LEMD1: variants seen among roughly 807,000 people sequenced by gnomAD.
LEMD1 encodes LEM domain containing 1, also known as LEM domain-containing protein 1.
In LEMD1, 18 loss-of-function variants were observed where a neutral mutation model predicts 17.4. That is an observed-to-expected ratio of 1.04 (90% confidence interval 0.72 to 1.54). The LOEUF is 1.54. Among genes scored for constraint, LEMD1 ranks in the 40% most tolerant of loss-of-function variants. The pLI, the probability that LEMD1 is intolerant of heterozygous loss-of-function variation, is 0.00. For missense variants in LEMD1, 195 were observed against 210.4 expected (o/e 0.93, Z 0.45); for synonymous variants, 88 against 77.8 (o/e 1.13, Z -0.69).
intron 4 of LEMD1, among the ~76,000 whole-genome samples, 181 bp downstream of exon 4, chr1:205,416,051 G>C (rs1293881050): frequency 6.6e-6 from 1 of 152,144 alleles, no homozygotes; most frequent in Admixed American, 6.5e-5. Context: ...TCCTCTGCTA[G>C]ATCATGGAAA....
intron 5 of LEMD1, among the ~76,000 whole-genome samples, chr1:205,383,354 C>A (rs1663815758): frequency 6.6e-6 from 1 of 152,232 alleles, no homozygotes; most frequent in Admixed American, 6.5e-5. Flanking sequence ...CTCAGCCTCC[C>A]AAAATGCTGG....
intron 1 of LEMD1, among the ~76,000 whole-genome samples, chr1:205,430,468 G>C (rs1558740170): frequency 6.6e-6 from 1 of 152,186 alleles, no homozygotes; most frequent in Non-Finnish European, 1.5e-5. Flanking sequence ...TGGGAGAGTA[G>C]GGTAGGGGTG....
chr1:205,414,420 C>CAA (rs11453227), intron 4 of LEMD1, among the ~76,000 whole-genome samples: 187 of 140,226 alleles, frequency 1.3e-3, no homozygotes, highest in Middle Eastern at 3.5e-3. Flanking sequence ...CCTGTCTCTA[C>CAA]AAAAAAAAAA....
intron 1 of LEMD1, among the ~76,000 whole-genome samples, chr1:205,447,325 G>A (rs375774118): frequency 2.3e-3 from 348 of 152,290 alleles, no homozygotes; most frequent in African/African-American, 8.2e-3. Flanking sequence ...TTAGAATCAT[G>A]GGGTACATAG....
chr1:205,399,565 A>G (rs868319505), intron 4 of LEMD1, among the ~76,000 whole-genome samples: 7 of 152,236 alleles, frequency 4.6e-5, no homozygotes, highest in Admixed American at 2.0e-4. Context: ...ATCTTGTGAA[A>G]GGAATCAAGG....
At chr1:205,428,167 C>T (rs1666081213) in intron 1 of LEMD1, among the ~76,000 whole-genome samples, 1 of 152,138 alleles carries the variant, frequency 6.6e-6, no homozygotes, top group Admixed American at 6.5e-5. Context: ...TTAAAATAAA[C>T]AGAAGTCAAT....
At chr1:205,383,239 A>T (rs1433035004) in intron 5 of LEMD1, among the ~76,000 whole-genome samples, 2 of 152,116 alleles carry the variant, frequency 1.3e-5, no homozygotes, top group East Asian at 3.9e-4. Context: ...GACTGTAGGC[A>T]CATACCACCA....
At chr1:205,416,954 ACTCAGC>A (rs931498934) in intron 3 of LEMD1, among the ~76,000 whole-genome samples, 3 of 152,126 alleles carry the variant, frequency 2.0e-5, no homozygotes, top group South Asian at 2.1e-4. Flanking sequence ...ATGACCTCAT[ACTCAGC>A]CTCAGGTCTA....
At chr1:205,431,675 G>A (rs1666126778) in intron 1 of LEMD1, among the ~76,000 whole-genome samples, 1 of 152,132 alleles carries the variant, frequency 6.6e-6, no homozygotes, top group Non-Finnish European at 1.5e-5. Flanking sequence ...ACACATTTTA[G>A]CTGGGGCAAA....
chr1:205,391,946 G>GAAA (rs60047814), intron 4 of LEMD1, among the ~76,000 whole-genome samples: 2 of 110,032 alleles, frequency 1.8e-5, no homozygotes, highest in African/African-American at 6.2e-5. Flanking sequence ...CGTCTCTACC[G>GAAA]AAAAAAAAAA....
At chr1:205,395,995 T>C (rs954218947) in intron 4 of LEMD1, among the ~76,000 whole-genome samples, 1 of 152,050 alleles carries the variant, frequency 6.6e-6, no homozygotes, top group Non-Finnish European at 1.5e-5. Context: ...CTGAAGAAGA[T>C]TTAGAACAAT....
chr1:205,425,182 G>T (rs1202852562), upstream of LEMD1, among the ~76,000 whole-genome samples: 4 of 152,096 alleles, frequency 2.6e-5, no homozygotes, highest in Non-Finnish European at 4.4e-5. Flanking sequence ...TTCTGCACTT[G>T]TCTAGTCAAC....
At chr1:205,416,361 CAT>C in intron 3 of LEMD1, 65 bp from the exon 4 acceptor site, 1 of 1,144,758 alleles carries the variant, frequency 8.7e-7, no homozygotes, top group Non-Finnish European at 1.3e-6. Flanking sequence ...AGGGAATAAA[CAT>C]CAATCACCAG....
chr1:205,429,095 C>T (rs1666093594), intron 1 of LEMD1, among the ~76,000 whole-genome samples: 1 of 152,244 alleles, frequency 6.6e-6, no homozygotes, highest in Non-Finnish European at 1.5e-5. Flanking sequence ...CAGACAGTTG[C>T]CTCAGGCAAT....
upstream of LEMD1, among the ~76,000 whole-genome samples, chr1:205,422,585 T>C (rs1157242989): frequency 2.0e-5 from 3 of 152,218 alleles, no homozygotes; most frequent in African/African-American, 4.8e-5. Flanking sequence ...TGGATACTCT[T>C]ATAAGCCAGC....
At chr1:205,382,127 G>A (rs535524062) in intron 5 of LEMD1, 7 of 430,788 alleles carry the variant, frequency 1.6e-5, no homozygotes, top group East Asian at 4.5e-5. Flanking sequence ...TCTGCCTCTC[G>A]AGTAGCTCGG....
intron 5 of LEMD1, among the ~76,000 whole-genome samples, chr1:205,382,986 T>TG (rs1663793955): frequency 1.3e-5 from 2 of 152,220 alleles, no homozygotes; most frequent in South Asian, 4.1e-4. Flanking sequence ...ACTAATACAA[T>TG]TGCCTGTCTT....
chr1:205,394,454 G>A (rs1297042953), intron 4 of LEMD1, among the ~76,000 whole-genome samples: 1 of 151,780 alleles, frequency 6.6e-6, no homozygotes, highest in Non-Finnish European at 1.5e-5. Context: ...GCACAATCTC[G>A]GCTCACCACA....
chr1:205,419,342 T>C lies in LEMD1; in HGVS notation c.93A>G (p.Arg31=), dbSNP rs755787646. ...FSPGPILPST[R]KLYEKKLVQL... Reference sequence around the variant, plus strand: ...GTACTAACTTTTTTTCATACAACTTTCTGGTGGAAGCTGAGGAAGAATTTG... The same window carrying C: ...GTACTAACTTTTTTTCATACAACTTCCTGGTGGAAGCTGAGGAAGAATTTG... Residue 31 remains arginine, a synonymous_variant, in exon 3 of 6, where the codon AGA becomes AGG. Coordinates refer to ENST00000367153, the MANE Select transcript of LEMD1 (RefSeq NM_001199050.2). 6.2e-7 allele frequency: 1 copy of C among 1,614,216 alleles called. No homozygotes were observed.
Sources: allele counts gnomAD v4.1 joint callset (sites outside exome capture counted in the v4.1 genomes callset), GRCh38; gene constraint gnomAD v4.1.1; transcripts MANE v1.5; gene names NCBI Gene and HGNC (gene_info 2026-07-23, HGNC 2026-07-21).